Variants in NRXN3 observed in about 807,000 individuals in gnomAD.
The protein encoded by NRXN3 is neurexin 3, also known as neurexin III.
A neutral mutation model predicts 137.6 loss-of-function variants in NRXN3; 32 were observed. That is an observed-to-expected ratio of 0.23 (90% CI 0.18 to 0.31). NRXN3 has a LOEUF of 0.31. Ranked by LOEUF, NRXN3 falls within the 10% of genes least tolerant of loss-of-function variation. The probability of loss-of-function intolerance (pLI) is 1.00; values close to 1 mark genes in which losing one functional copy is unlikely to be tolerated. For missense variants in NRXN3, 1,574 were observed against 2,062.5 expected (o/e 0.76, Z 4.59); for synonymous variants, 798 against 784.5 (o/e 1.02, Z -0.29).
chr14:79,161,400 C>A (rs1298992497), intron 15 of NRXN3, among the ~76,000 whole-genome samples: 9 of 151,920 alleles, frequency 5.9e-5, no homozygotes, highest in Non-Finnish European at 1.5e-5. Flanking sequence ...CAATTGTATT[C>A]TGAAGATAAG....
intron 15 of NRXN3, among the ~76,000 whole-genome samples, chr14:79,138,932 A>G (rs1054032827): frequency 6.6e-6 from 1 of 152,220 alleles, no homozygotes; most frequent in Non-Finnish European, 1.5e-5. Flanking sequence ...CAAAGCTATT[A>G]TGGAGGAGAT....
chr14:78,892,592 T>C (rs1241181313), intron 10 of NRXN3, among the ~76,000 whole-genome samples: 1 of 151,866 alleles, frequency 6.6e-6, no homozygotes, highest in Admixed American at 6.6e-5. Flanking sequence ...TCAGCACTTG[T>C]ACTGAGTTCA....
At chr14:78,248,317 A>ACCC (rs1567073445) in intron 2 of NRXN3, among the ~76,000 whole-genome samples, 2 of 19,504 alleles carry the variant, frequency 1.0e-4, no homozygotes, top group African/African-American at 1.9e-4. Context: ...CCCCCCCCCC[A>ACCC]CCCGCCACCT....
chr14:78,564,597 A>G (rs1020869416), intron 4 of NRXN3, among the ~76,000 whole-genome samples: 1 of 152,158 alleles, frequency 6.6e-6, no homozygotes, highest in African/African-American at 2.4e-5. Context: ...TTAGAAACTT[A>G]TGTATTGTAC....
At chr14:78,531,407 G>A (rs1715838991) in intron 4 of NRXN3, among the ~76,000 whole-genome samples, 1 of 152,190 alleles carries the variant, frequency 6.6e-6, no homozygotes, top group Admixed American at 6.5e-5. Flanking sequence ...ACCACAATGA[G>A]AATTGCTACA....
chr14:78,885,900 T>G (rs2099142251), intron 10 of NRXN3, among the ~76,000 whole-genome samples: 1 of 151,938 alleles, frequency 6.6e-6, no homozygotes, highest in South Asian at 2.1e-4. Context: ...GCCCAAGCAA[T>G]TAGGAGCAGA....
At chr14:79,509,791 T>G (rs768227028) in intron 16 of NRXN3, among the ~76,000 whole-genome samples, 1 of 152,070 alleles carries the variant, frequency 6.6e-6, no homozygotes, top group Non-Finnish European at 1.5e-5. Context: ...AAGGGAAACA[T>G]AATAACTTTT....
At chr14:79,424,813 G>A (rs2095630428) in intron 15 of NRXN3, among the ~76,000 whole-genome samples, 1 of 152,084 alleles carries the variant, frequency 6.6e-6, no homozygotes, top group South Asian at 2.1e-4. Context: ...GATTATGCAG[G>A]CGATACTTTG....
intron 4 of NRXN3, among the ~76,000 whole-genome samples, chr14:78,398,150 G>A (rs1400634351): frequency 1.3e-5 from 2 of 149,876 alleles, no homozygotes; most frequent in Non-Finnish European, 3.0e-5. Context: ...GGAGGCAGAG[G>A]TTGCAGTGAG....
At chr14:79,411,828 A>G (rs1301271987) in intron 15 of NRXN3, among the ~76,000 whole-genome samples, 1 of 152,192 alleles carries the variant, frequency 6.6e-6, no homozygotes, top group African/African-American at 2.4e-5. Context: ...TATAGATGTG[A>G]CTAAGATACA....
chr14:79,755,706 C>T lies in NRXN3; in HGVS notation c.4015-49406C>T, dbSNP rs2099017109. On this transcript the variant is annotated intron_variant, in intron 19 of 20. Transcript: ENST00000335750. ...ATCATTTACATTTACTTGCATGGCT[C>T]TGTGTAGCTTGCTTTTTATGCTAGG... Among the ~76,000 whole-genome samples, 3 of 152,202 alleles carry T rather than the reference C, an allele frequency of 2.0e-5. No homozygotes were observed. In the South Asian group the frequency reaches 6.2e-4, roughly 32 times the overall value.
Position 79,863,073 on chromosome 14 carries a change from G to T in NRXN3, c.*1109G>T, listed in dbSNP as rs529195585. On this transcript the variant is annotated 3_prime_UTR_variant, in exon 21 of 21. Coordinates refer to ENST00000335750, the MANE Select transcript of NRXN3 (RefSeq NM_001330195.2). The stretch of plus-strand genomic sequence containing the variant: ...ACCAGACAGTAGGGGAGTTCAACTC[G>T]TGATGGAACCACAAAAGGTCACACA... The T allele has an allele frequency of 5.2e-5, 8 of 152,528 alleles. No individual in the cohort carries two copies. The highest frequency in any genetic ancestry group is 1.9e-4 in the African/African-American group (8 of 41,414). The allele number at this position is 152,528 out of a possible 1,614,324, so 9.4% of individuals were successfully genotyped here.
chr14:78,411,385 C>T (rs573372170), intron 4 of NRXN3, among the ~76,000 whole-genome samples: 41 of 152,318 alleles, frequency 2.7e-4, no homozygotes, highest in Admixed American at 4.6e-4. Context: ...TGCTGCAGCA[C>T]AGGCCCTGGG....
At chr14:79,680,539 T>C (rs1382124790) in intron 17 of NRXN3, among the ~76,000 whole-genome samples, 1 of 152,040 alleles carries the variant, frequency 6.6e-6, no homozygotes, top group African/African-American at 2.4e-5. Flanking sequence ...GTAGGGAATG[T>C]GGTGGAGGAG....
intron 17 of NRXN3, among the ~76,000 whole-genome samples, chr14:79,675,200 C>T (rs919571104): frequency 2.0e-5 from 3 of 151,920 alleles, no homozygotes; most frequent in South Asian, 2.1e-4. Flanking sequence ...CAAACCTTTT[C>T]CCCCAAAGGC....
chr14:79,059,459 G>A (rs376306704), intron 15 of NRXN3, among the ~76,000 whole-genome samples: 177 of 151,784 alleles, frequency 1.2e-3, no homozygotes, highest in African/African-American at 3.6e-3. Context: ...GGGTTTCACC[G>A]TGTTAGCCAG....
intron 15 of NRXN3, among the ~76,000 whole-genome samples, chr14:78,998,003 G>A (rs1013768363): frequency 1.3e-5 from 2 of 152,152 alleles, no homozygotes; most frequent in African/African-American, 4.8e-5. Flanking sequence ...GCAGGAGTTG[G>A]CTGGATTCCA....
At chr14:78,271,001 G>A (rs185389382) in intron 2 of NRXN3, among the ~76,000 whole-genome samples, 2 of 152,302 alleles carry the variant, frequency 1.3e-5, no homozygotes, top group East Asian at 1.9e-4. Context: ...GCTACCGTGT[G>A]TGTTATGAGT....
chr14:78,434,259 G>A (rs895645852), intron 4 of NRXN3, among the ~76,000 whole-genome samples: 5 of 152,144 alleles, frequency 3.3e-5, no homozygotes, highest in East Asian at 3.9e-4. Flanking sequence ...GTCAGGGACC[G>A]TCTGTATTGG....
Sources: gnomAD v4.1 joint callset for allele counts (sites outside exome capture counted in the v4.1 genomes callset) on GRCh38, gnomAD v4.1.1 for gene constraint, MANE v1.5 for transcripts, NCBI Gene and HGNC (gene_info 2026-07-23, HGNC 2026-07-21) for gene names.